The following ATP6V0A4 variants were observed in gnomAD, a reference collection of about 807,000 sequenced individuals.
The protein encoded by ATP6V0A4 is V-type proton ATPase 116 kDa subunit a 4.
ATP6V0A4 carries 86 observed loss-of-function variants against 107.3 expected under a neutral mutation model. The observed-to-expected ratio is 0.80, with a 90% CI of 0.67 to 0.96. The LOEUF is 0.96. ATP6V0A4 is among the 40% of genes least tolerant of loss of function. The pLI, the probability that ATP6V0A4 is intolerant of heterozygous loss-of-function variation, is 0.00. For synonymous variants in ATP6V0A4, 353 were observed against 381.4 expected (o/e 0.93, Z 0.87); for missense variants, 908 against 1,045.6 (o/e 0.87, Z 1.81).
At chr7:138,712,343 GGATGGGTCTAAATAA>G (rs1034414454) in intron 20 of ATP6V0A4, among the ~76,000 whole-genome samples, 1 of 152,106 alleles carries the variant, frequency 6.6e-6, no homozygotes, top group Non-Finnish European at 1.5e-5. Context: ...GTCATACCAG[GGATGGGTCTAAATAA>G]GACAGGAGGA....
intron 1 of ATP6V0A4, among the ~76,000 whole-genome samples, chr7:138,789,710 C>T (rs558503583): frequency 6.6e-6 from 1 of 151,486 alleles, no homozygotes; most frequent in East Asian, 2.0e-4. Flanking sequence ...GTGGCTCACG[C>T]CTGTAATCCC....
intron 2 of ATP6V0A4, among the ~76,000 whole-genome samples, chr7:138,780,871 C>T (rs1439561661): frequency 6.6e-6 from 1 of 151,850 alleles, no homozygotes; most frequent in Non-Finnish European, 1.5e-5. Context: ...TGCCTCTGCA[C>T]TCCAGCCTGG....
Position 138,750,705 on chromosome 7 carries a change from C to T in ATP6V0A4, c.1030-1388G>A, listed in dbSNP as rs574306916. On this transcript the variant is annotated intron_variant, in intron 11 of 21. Coordinates refer to ENST00000310018, the MANE Select transcript of ATP6V0A4 (RefSeq NM_020632.3). ...ACCTGCTCCCCGGCCAGCCTCCCAG[C>T]GCTCTGCGCATGCATCACTTCCTCC... Among the ~76,000 whole-genome samples the T allele has an allele frequency of 4.2e-4, 64 of 152,354 alleles. 3 individuals carry two copies. The South Asian group carries it at 0.013, about 31-fold the overall frequency.
At chr7:138,724,025 CAAAAAAAA>C (rs202234657) in intron 18 of ATP6V0A4, among the ~76,000 whole-genome samples, 1 of 131,738 alleles carries the variant, frequency 7.6e-6, no homozygotes, top group Non-Finnish European at 1.6e-5. Flanking sequence ...TCCCATCTCT[CAAAAAAAA>C]AAAAAAAAAA....
At chr7:138,720,247 G>A (rs1409618835) in intron 19 of ATP6V0A4, among the ~76,000 whole-genome samples, 2 of 152,126 alleles carry the variant, frequency 1.3e-5, no homozygotes, top group African/African-American at 2.4e-5. Flanking sequence ...CTACCGTGGA[G>A]AGAAGCAAGC....
At chr7:138,734,023 T>A in intron 16 of ATP6V0A4, 113 bp downstream of exon 16, 2 of 1,261,716 alleles carry the variant, frequency 1.6e-6, no homozygotes, top group Non-Finnish European at 2.3e-6. Flanking sequence ...GAAGTACCCC[T>A]CATAGGAAGA....
At position 138,706,851 on chromosome 7, in the gene ATP6V0A4, A is replaced by G. The variant is rs12707394; in HGVS notation, c.2430-134T>C. 0.29 allele frequency: 407,449 copies of G among 1,423,164 alleles called. 59,113 individuals carry two copies. The highest frequency in any genetic ancestry group is 0.43 in the Admixed American group (20,630 of 47,984). 88.2% of individuals were successfully genotyped at this position (1,423,164 alleles called of 1,614,324 possible). The stretch of plus-strand genomic sequence containing the variant: ...CAAAGTCAGAAGGGTTGGCCACGGC[A>G]GGCACCCAGGCTGATGGCTGCCATG... On this transcript the variant is annotated intron_variant, in intron 21 of 21. Transcript: ENST00000310018.
intron 1 of ATP6V0A4, among the ~76,000 whole-genome samples, chr7:138,795,022 C>G (rs1483351269): frequency 6.6e-6 from 1 of 151,974 alleles, no homozygotes; most frequent in Non-Finnish European, 1.5e-5. Flanking sequence ...CTCAGCCTCC[C>G]AAGTAGCCGG....
At chr7:138,784,249 T>TAC (rs1808061470) in intron 2 of ATP6V0A4, among the ~76,000 whole-genome samples, 2 of 33,088 alleles carry the variant, frequency 6.0e-5, no homozygotes, top group African/African-American at 1.8e-4. Flanking sequence ...TATATATATA[T>TAC]ATACATATAT....
Position 138,737,587 on chromosome 7 carries a change from T to C in ATP6V0A4, c.1572+1953A>G, listed in dbSNP as rs112511438. On this transcript the variant is annotated intron_variant, in intron 15 of 21. Transcript: ENST00000310018. ...CTCCCGCTTTTCTTTTTCTTTTTTT[T>C]TTTTTTTTTTTTTGAGAAGAGTCTC... Among the ~76,000 whole-genome samples the C allele has an allele frequency of 6.0e-4, 85 of 142,028 alleles. 4 individuals are homozygous for C. The highest frequency in any genetic ancestry group is 2.3e-3 in the African/African-American group (81 of 34,766). The allele number at this position is 142,028 out of a possible 152,430, so 93.2% of individuals were successfully genotyped here.
Position 138,706,587 on chromosome 7 carries a change from T to C in ATP6V0A4, c.*37A>G. 1 of 1,611,814 alleles carries C rather than the reference T, an allele frequency of 6.2e-7. No homozygotes were observed. Among genetic ancestry groups the C allele is most frequent in the Non-Finnish European group, 8.5e-7 (1 of 1,178,392 alleles). Reference sequence around the variant, plus strand: ...AAAGACAAGACTGAACTTCCTTCATTGGCATGGTGACCACCGTGGGAGGTG... The same window carrying C: ...AAAGACAAGACTGAACTTCCTTCATCGGCATGGTGACCACCGTGGGAGGTG... On this transcript the variant is annotated 3_prime_UTR_variant, in exon 22 of 22. Coordinates refer to ENST00000310018, the MANE Select transcript of ATP6V0A4 (RefSeq NM_020632.3).
At chr7:138,761,805 A>G (rs61574597) in intron 7 of ATP6V0A4, among the ~76,000 whole-genome samples, 91,351 of 151,776 alleles carry the variant, frequency 0.6, 28,694 homozygotes, top group African/African-American at 0.8. Context: ...TCAACTTCCT[A>G]AGTAACTGGT....
At chr7:138,782,935 C>T (rs536952291) in intron 2 of ATP6V0A4, among the ~76,000 whole-genome samples, 71 of 152,034 alleles carry the variant, frequency 4.7e-4, no homozygotes, top group African/African-American at 1.3e-3. Context: ...ATTAGCTGGG[C>T]GTGGTAGCAG....
chr7:138,714,738 C>T (rs1005082), intron 20 of ATP6V0A4, among the ~76,000 whole-genome samples: 41,459 of 152,052 alleles, frequency 0.27, 5,850 homozygotes, highest in South Asian at 0.43. Flanking sequence ...CCAAGGCAGG[C>T]GTTCTCTTAA....
In ATP6V0A4 at chr7:138,706,380, AATTACTTT is replaced by A; in HGVS notation, c.*236_*243del. ...GTTTAGCATTCTCCCCTCATTTGTC[AATTACTTT>A]ATTATTTGAGAATTAATACCCCACA... is the stretch of plus-strand genomic sequence containing the variant. On this transcript the variant is annotated 3_prime_UTR_variant, in exon 22 of 22. Transcript: ENST00000310018. 1.9e-6 allele frequency: 1 copy of A among 524,088 alleles called. No individual in the cohort carries two copies. Among genetic ancestry groups the A allele is most frequent in the South Asian group, 2.1e-5 (1 of 47,962 alleles). 32.5% of individuals were successfully genotyped at this position (524,088 alleles called of 1,614,324 possible).
chr7:138,730,131 G>A (rs1037812080), intron 17 of ATP6V0A4, among the ~76,000 whole-genome samples: 3 of 152,096 alleles, frequency 2.0e-5, no homozygotes, highest in Non-Finnish European at 2.9e-5. Context: ...TGATCCGCCC[G>A]CCTCGGCCTC....
At position 138,751,519 on chromosome 7, in the gene ATP6V0A4, G is replaced by A. The variant is rs576461611; in HGVS notation, c.1029+1106C>T. On this transcript the variant is annotated intron_variant, in intron 11 of 21. Transcript: ENST00000310018. ...CCCACTCTCCATCCTGCCCCTCGCC[G>A]TCCCCTGCTTGGTTTCCTGCCCACC... is the stretch of plus-strand genomic sequence containing the variant. Among the ~76,000 whole-genome samples the A allele has an allele frequency of 6.0e-5, 9 of 151,102 alleles. No individual in the cohort carries two copies. In the East Asian group the frequency reaches 9.9e-4, roughly 17 times the overall value.
chr7:138,775,171 C>A (rs1215657359), intron 2 of ATP6V0A4, among the ~76,000 whole-genome samples: 1 of 151,962 alleles, frequency 6.6e-6, no homozygotes, highest in Non-Finnish European at 1.5e-5. Context: ...CTGTACTTTT[C>A]TGCAAAAGTA....
chr7:138,707,681 T>C (rs1469151991), intron 21 of ATP6V0A4, among the ~76,000 whole-genome samples: 1 of 150,870 alleles, frequency 6.6e-6, no homozygotes, highest in Non-Finnish European at 1.5e-5. Flanking sequence ...GGATTACAGG[T>C]GTAAGCCACT....
Sources: gnomAD v4.1 joint callset for allele counts (sites outside exome capture counted in the v4.1 genomes callset) on GRCh38, gnomAD v4.1.1 for gene constraint, MANE v1.5 for transcripts, NCBI Gene and HGNC (gene_info 2026-07-23, HGNC 2026-07-21) for gene names.